The following GRID2IP variants were observed in gnomAD, a reference collection of about 807,000 sequenced individuals.
GRID2IP encodes delphilin.
In GRID2IP, 78 loss-of-function variants were observed where a neutral mutation model predicts 114.3. The ratio of observed to expected loss-of-function variants is 0.68; its 90% CI spans 0.57 to 0.82. The LOEUF is 0.82. GRID2IP is among the 40% of genes least tolerant of loss of function. GRID2IP has a pLI of 0.00. For synonymous variants in GRID2IP, 809 were observed against 724.0 expected, an observed-to-expected ratio of 1.12 and a Z score of -1.89; for missense variants, 1,727 against 1,678.5, an observed-to-expected ratio of 1.03 and a Z score of -0.51.
intron 1 of GRID2IP, among the ~76,000 whole-genome samples, chr7:6,542,762 G>A (rs1272934173): frequency 6.6e-6 from 1 of 152,192 alleles, no homozygotes; most frequent in Non-Finnish European, 1.5e-5. Context: ...GGATGGTAGT[G>A]ATGGGTGTTA....
At position 6,551,447 on chromosome 7, in the gene GRID2IP, C is replaced by T. The variant is rs1217983291; in HGVS notation, c.-11G>A. On this transcript the variant is annotated 5_prime_UTR_variant, in exon 1 of 22. Transcript: ENST00000457091. ...GGCAGTGGTGGCCATGCACCTAGAA[C>T]TGGAGACAGAACAGGGATTTCCTTG... The T allele has an allele frequency of 3.9e-6, 6 of 1,538,548 alleles. No individual in the cohort carries two copies. In the African/African-American group the frequency reaches 7.0e-5, roughly 18 times the overall value.
intron 8 of GRID2IP, among the ~76,000 whole-genome samples, chr7:6,512,170 G>T (rs1051053602): frequency 6.7e-6 from 1 of 148,770 alleles, no homozygotes; most frequent in Non-Finnish European, 1.5e-5. Flanking sequence ...ACCTGCCTCA[G>T]CCTCTGAAAG....
At chr7:6,540,729 C>G (rs1779804521) in intron 1 of GRID2IP, among the ~76,000 whole-genome samples, 1 of 118,140 alleles carries the variant, frequency 8.5e-6, no homozygotes, top group African/African-American at 3.4e-5. Flanking sequence ...TGGGGTTTTA[C>G]CATGTTGGCC....
rs142728279 is a variant in GRID2IP at position 6,506,418 on chromosome 7, G to A, written c.2545-511C>T. Among the ~76,000 whole-genome samples, 41 of 152,326 alleles carry A rather than the reference G, an allele frequency of 2.7e-4. No individual in the cohort carries two copies. The highest frequency in any genetic ancestry group is 8.3e-4 in the South Asian group (4 of 4,828). On this transcript the variant is annotated intron_variant, in intron 13 of 21. Transcript: ENST00000457091. This position sits in a 1 kb window ranked among gnomAD's most constrained non-coding sequence, Gnocchi z 5.2. The stretch of plus-strand genomic sequence containing the variant: ...AGCCTGGGGCTGGGGCAGGGAGTGC[G>A]GACGGGGTGGCTGCCAAAGGGAGAG...
At position 6,519,992 on chromosome 7, in the gene GRID2IP, G is replaced by T. The variant is rs905008827; in HGVS notation, c.1268+586C>A. On this transcript the variant is annotated intron_variant, in intron 7 of 21. Coordinates refer to ENST00000457091, the MANE Select transcript of GRID2IP (RefSeq NM_001145118.2). This position sits in a 1 kb window ranked among gnomAD's most constrained non-coding sequence, Gnocchi z 4.1. ...AGGTCCCATCAAGAATGCTGCAGGT[G>T]GGCCAAGGCACGGTGGCTCACGCCT... is the stretch of plus-strand genomic sequence containing the variant. Among the ~76,000 whole-genome samples the T allele has an allele frequency of 4.0e-5, 6 of 151,746 alleles. No individual in the cohort carries two copies. Among genetic ancestry groups the T allele is most frequent in the African/African-American group, 1.5e-4 (6 of 41,304 alleles).
intron 4 of GRID2IP, among the ~76,000 whole-genome samples, chr7:6,522,624 C>A (rs1474850106): frequency 6.6e-6 from 1 of 151,808 alleles, no homozygotes; most frequent in African/African-American, 2.4e-5. Context: ...TAGCTGGGAC[C>A]ATAGGCACGC....
Position 6,532,815 on chromosome 7 carries a change from C to T in GRID2IP, c.585-6046G>A, listed in dbSNP as rs1173046708. 6.6e-6 allele frequency among the ~76,000 whole-genome samples: 1 copy of T among 152,182 alleles called. No individual in the cohort carries two copies. The highest frequency in any genetic ancestry group is 6.5e-5 in the Admixed American group (1 of 15,268). On this transcript the variant is annotated intron_variant, in intron 2 of 21. Transcript: ENST00000457091. This position sits in a 1 kb window ranked among gnomAD's most constrained non-coding sequence, Gnocchi z 4.4. ...CGTGCTGTGAGCACAGGAGATGCAA[C>T]CAGGGAGCAGACGCCCAGGGTCAAA... is the stretch of plus-strand genomic sequence containing the variant.
At chr7:6,546,526 G>GTA in intron 1 of GRID2IP, among the ~76,000 whole-genome samples, 3 of 147,518 alleles carry the variant, frequency 2.0e-5, no homozygotes, top group Non-Finnish European at 3.0e-5. Flanking sequence ...CCAAGATCAC[G>GTA]CCATTGCACT....
chr7:6,542,544 G>T (rs1379334673), intron 1 of GRID2IP, among the ~76,000 whole-genome samples: 4 of 152,078 alleles, frequency 2.6e-5, no homozygotes, highest in Non-Finnish European at 5.9e-5. Context: ...TGTAGTCTCA[G>T]CTACTTGTGA....
At chr7:6,531,320 C>T (rs1779619192) in intron 2 of GRID2IP, 1 of 391,204 alleles carries the variant, frequency 2.6e-6, no homozygotes. Context: ...CTTTTGGTCG[C>T]TCTGGGGTGC....
chr7:6,550,390 A>C (rs2115105526), intron 1 of GRID2IP, among the ~76,000 whole-genome samples: 1 of 152,186 alleles, frequency 6.6e-6, no homozygotes, highest in Admixed American at 6.5e-5. Context: ...ATATCCTATT[A>C]TTTTATATAT....
At chr7:6,500,964 C>T (rs1474114404) in intron 20 of GRID2IP, among the ~76,000 whole-genome samples, 2 of 152,256 alleles carry the variant, frequency 1.3e-5, no homozygotes, top group African/African-American at 2.4e-5. Context: ...CTGGGCTCCA[C>T]TGCCCCAGAG....
intron 7 of GRID2IP, among the ~76,000 whole-genome samples, chr7:6,515,068 C>T (rs917568762): frequency 6.6e-6 from 1 of 152,056 alleles, no homozygotes; most frequent in East Asian, 1.9e-4. Flanking sequence ...AGCTAAGTGA[C>T]CTTTCTCAAG....
In GRID2IP at chr7:6,509,023, C is replaced by T. The variant is rs1480733156; in HGVS notation, c.2062G>A (p.Glu688Lys). Residue 688 changes from glutamate (E) to lysine (K), a missense_variant, in exon 12 of 22, where the codon GAG (glutamate) becomes AAG (lysine). By Grantham distance (56) the Glu-to-Lys change is moderately conservative. Coordinates refer to ENST00000457091, the MANE Select transcript of GRID2IP (RefSeq NM_001145118.2). This position sits in a 1 kb window ranked among gnomAD's most constrained non-coding sequence, Gnocchi z 4.9. ...DTDRFLDVLS[E>K]QLGPRVTIVD... is the part of the protein sequence containing the mutation. ...ATGGTGACCCGGGGGCCCAGCTGCTCGCTCAGCACGTCCAGGAAGCGGTCA... is the reference window on the plus strand; with the variant it reads ...ATGGTGACCCGGGGGCCCAGCTGCTTGCTCAGCACGTCCAGGAAGCGGTCA... 12 of 1,546,990 alleles carry T rather than the reference C, an allele frequency of 7.8e-6. No individual in the cohort carries two copies. The highest frequency in any genetic ancestry group is 1.4e-5 in the African/African-American group (1 of 72,996).
At position 6,498,143 on chromosome 7, in the gene GRID2IP, G is replaced by T; in HGVS notation, c.3485C>A (p.Ala1162Asp). The T allele has an allele frequency of 6.4e-7, 1 of 1,551,616 alleles. No homozygotes were observed. The highest frequency in any genetic ancestry group is 8.7e-7 in the Non-Finnish European group (1 of 1,146,930). Reference sequence around the variant, plus strand: ...GGCCTTGGAATCCTCCCCAAAGAAGGCCAGCGCCTTGCCCAGCTCCTCCAT... The same window carrying T: ...GGCCTTGGAATCCTCCCCAAAGAAGTCCAGCGCCTTGCCCAGCTCCTCCAT... ...EAMEELGKAL[A>D]FFGEDSKATT... The change falls in exon 21 of 22, where the codon GCC becomes GAC. Residue 1162 changes from alanine (A) to aspartate (D), a missense_variant. Ala to Asp is a moderately radical substitution (Grantham distance 126). Transcript: ENST00000457091.
rs181164075 is a variant in GRID2IP at position 6,526,848 on chromosome 7, C to A, written c.585-79G>T. ...AAACCGCGGCCCGAAGGCGCGTCCT[C>A]GCGGGCGCCGCCCTAGGCTCTCCCA... On this transcript the variant is annotated intron_variant, in intron 2 of 21. Coordinates refer to ENST00000457091, the MANE Select transcript of GRID2IP (RefSeq NM_001145118.2). The surrounding 1 kb of genome is among the most constrained non-coding windows in gnomAD (Gnocchi z 7.6). The A allele has an allele frequency of 2.5e-5, 34 of 1,370,426 alleles. No homozygotes were observed. In the Admixed American group the frequency reaches 8.5e-4, roughly 34 times the overall value. The allele number at this position is 1,370,426 out of a possible 1,614,324, so 84.9% of individuals were successfully genotyped here.
chr7:6,526,654 G>C lies in GRID2IP; in HGVS notation c.700C>G (p.Arg234Gly). 5 of 1,419,888 alleles carry C rather than the reference G, an allele frequency of 3.5e-6. No individual in the cohort carries two copies. The highest frequency in any genetic ancestry group is 4.6e-6 in the Non-Finnish European group (5 of 1,088,482). The allele number at this position is 1,419,888 out of a possible 1,614,324, so 88.0% of individuals were successfully genotyped here. ...AGGCGCTCCGGCCGCTCCTCGCTGC[G>C]GCTCCGGCGCAGTCGCTGCGCGCCC... is the stretch of plus-strand genomic sequence containing the variant. The part of the protein sequence containing the change: ...AQGAQRLRRS[R>G]SEERPERLLV... The change falls in exon 3 of 22, where the codon CGC becomes GGC. Residue 234 changes from arginine (R) to glycine (G), a missense_variant. Coordinates refer to ENST00000457091, the MANE Select transcript of GRID2IP (RefSeq NM_001145118.2). This position sits in a 1 kb window ranked among gnomAD's most constrained non-coding sequence, Gnocchi z 7.6.
chr7:6,509,388 C>T lies in GRID2IP; in HGVS notation c.1772-75G>A. On this transcript the variant is annotated intron_variant, in intron 11 of 21. Coordinates refer to ENST00000457091, the MANE Select transcript of GRID2IP (RefSeq NM_001145118.2). This position sits in a 1 kb window ranked among gnomAD's most constrained non-coding sequence, Gnocchi z 4.9. Reference sequence around the variant, plus strand: ...TCCAGGTGCAAGCTGGAGAGAGGGTCCTAGGACAGACTGGCTCTGTGTCCC... The same window carrying T: ...TCCAGGTGCAAGCTGGAGAGAGGGTTCTAGGACAGACTGGCTCTGTGTCCC... 7.6e-7 allele frequency: 1 copy of T among 1,318,638 alleles called. No homozygotes were observed. Among genetic ancestry groups the T allele is most frequent in the East Asian group, 2.8e-5 (1 of 36,248 alleles). The allele number at this position is 1,318,638 out of a possible 1,614,324, so 81.7% of individuals were successfully genotyped here. A position where few individuals can be genotyped will look rare whatever the true frequency, so the allele number is the denominator to read the frequency against.
At position 6,516,564 on chromosome 7, in the gene GRID2IP, A is replaced by T. The variant is rs753703412; in HGVS notation, c.1269-2035T>A. 1.3e-5 allele frequency among the ~76,000 whole-genome samples: 2 copies of T among 152,038 alleles called. No homozygotes were observed. The highest frequency in any genetic ancestry group is 2.1e-4 in the South Asian group (1 of 4,826). On this transcript the variant is annotated intron_variant, in intron 7 of 21. Coordinates refer to ENST00000457091, the MANE Select transcript of GRID2IP (RefSeq NM_001145118.2). The surrounding 1 kb of genome is among the most constrained non-coding windows in gnomAD (Gnocchi z 4.3). ...CCTGGGAAGGCACCCGTTGCTTAGC[A>T]GACCGGGAAAGGGAGTCTCCCTTTC...
Sources: allele counts gnomAD v4.1 joint callset (sites outside exome capture counted in the v4.1 genomes callset), GRCh38; gene constraint gnomAD v4.1.1; non-coding constraint Gnocchi (gnomAD v3.1); transcripts MANE v1.5; gene names NCBI Gene and HGNC (gene_info 2026-07-23, HGNC 2026-07-21).